The following EML1 variants were observed in gnomAD, a reference collection of about 807,000 sequenced individuals.
EML1 encodes the protein EMAP like 1.
Under a neutral mutation model 110.4 loss-of-function variants are expected in EML1, and 27 were observed. The observed-to-expected ratio is 0.24, with a 90% CI of 0.18 to 0.34. EML1 has a LOEUF of 0.34. Among genes scored for constraint, EML1 ranks in the 10% least tolerant of loss-of-function variants. EML1 has a pLI of 1.00. For missense variants in EML1, 741 were observed against 1,030.9 expected, an observed-to-expected ratio of 0.72 and a Z score of 3.85; for synonymous variants, 344 against 385.8, an observed-to-expected ratio of 0.89 and a Z score of 1.27.
intron 1 of EML1, among the ~76,000 whole-genome samples, chr14:99,753,672 C>G (rs537849783): frequency 6.6e-6 from 1 of 152,114 alleles, no homozygotes; most frequent in Non-Finnish European, 1.5e-5. Flanking sequence ...AGGGCAGGGT[C>G]GGTGTCTGAG....
intron 1 of EML1, among the ~76,000 whole-genome samples, chr14:99,756,201 A>T (rs982353669): frequency 6.6e-6 from 1 of 152,206 alleles, no homozygotes; most frequent in Non-Finnish European, 1.5e-5. Context: ...AGGCGACTGC[A>T]GGTGGCACAT....
intron 1 of EML1, 56 bp downstream of exon 1, chr14:99,793,599 G>A (rs1028821267): frequency 2.0e-6 from 2 of 987,704 alleles, no homozygotes; most frequent in African/African-American, 1.8e-5. Context: ...GGGCGGCGGC[G>A]ACGGCGACGG....
chr14:99,927,097 C>G (rs1043124137), intron 17 of EML1, among the ~76,000 whole-genome samples: 1 of 152,184 alleles, frequency 6.6e-6, no homozygotes, highest in African/African-American at 2.4e-5. Context: ...CTCCCCAACC[C>G]AAATCAGCAT....
At chr14:99,818,238 T>G (rs748244937) in intron 1 of EML1, among the ~76,000 whole-genome samples, 16 of 151,860 alleles carry the variant, frequency 1.1e-4, no homozygotes, top group Non-Finnish European at 1.8e-4. Context: ...TTTGGAAGGA[T>G]CACTCAGACA....
Position 99,905,349 on chromosome 14 carries a change from A to G in EML1, c.1009-2289A>G, listed in dbSNP as rs4905915. On this transcript the variant is annotated intron_variant, in intron 9 of 21. Coordinates refer to ENST00000262233, the MANE Select transcript of EML1 (RefSeq NM_004434.3). The surrounding 1 kb of genome is among the most constrained non-coding windows in gnomAD (Gnocchi z 4.1). ...ATCGTTGTTAATCCAGCCTCCAACC[A>G]GGAGCTTCAACTTACGGTCTCTGGG... 0.24 allele frequency among the ~76,000 whole-genome samples: 36,860 copies of G among 152,216 alleles called. 5,417 individuals carry two copies. Among genetic ancestry groups the G allele is most frequent in the Non-Finnish European group, 0.33 (22,195 of 68,004 alleles).
rs760107186 is a variant in EML1 at position 99,907,365 on chromosome 14, G to A, written c.1009-273G>A. The A allele has an allele frequency of 3.7e-5, 15 of 402,282 alleles. 1 individual carries two copies. The highest frequency in any genetic ancestry group is 6.2e-5 in the Non-Finnish European group (14 of 226,072). The allele number at this position is 402,282 out of a possible 1,614,324, so 24.9% of individuals were successfully genotyped here. A position where few individuals can be genotyped will look rare whatever the true frequency, so the allele number is the denominator to read the frequency against. On this transcript the variant is annotated intron_variant, in intron 9 of 21. Transcript: ENST00000262233. The stretch of plus-strand genomic sequence containing the variant: ...CACCCGCGGTCCCAGCTACATGGGA[G>A]GCTGGGGTAGGAGGATTGCTTGAGC...
chr14:99,804,010 G>A (rs540996411), intron 1 of EML1, among the ~76,000 whole-genome samples: 1 of 152,326 alleles, frequency 6.6e-6, no homozygotes, highest in South Asian at 2.1e-4. Context: ...ACTGTATGGA[G>A]CTATAATAAA....
upstream of EML1, among the ~76,000 whole-genome samples, chr14:99,772,257 T>C (rs1170568827): frequency 6.6e-6 from 1 of 152,258 alleles, no homozygotes; most frequent in African/African-American, 2.4e-5. Flanking sequence ...TTTAGACTGC[T>C]TTTAATATGC....
intron 4 of EML1, among the ~76,000 whole-genome samples, chr14:99,889,975 GCA>G (rs2059558787): frequency 6.6e-6 from 1 of 152,166 alleles, no homozygotes; most frequent in African/African-American, 2.4e-5. Flanking sequence ...CCCATGTGCT[GCA>G]GGAAATTATC....
chr14:99,894,563 A>G, intron 5 of EML1, 66 bp from the exon 6 acceptor site: 1 of 1,543,902 alleles, frequency 6.5e-7, no homozygotes, highest in Non-Finnish European at 8.7e-7. Flanking sequence ...TAGAGAGGAT[A>G]AAGCATTTGT....
At chr14:99,865,468 T>G (rs1308548266) in intron 2 of EML1, 46 bp from the exon 3 acceptor site, 12 of 1,610,252 alleles carry the variant, frequency 7.5e-6, no homozygotes, top group Middle Eastern at 1.7e-4. Flanking sequence ...AAATGTTACC[T>G]TTGCAAAGGG....
At chr14:99,856,319 C>A (rs559790413) in intron 2 of EML1, among the ~76,000 whole-genome samples, 7 of 152,194 alleles carry the variant, frequency 4.6e-5, no homozygotes, top group South Asian at 2.1e-4. Context: ...ATTTGAAAAT[C>A]TTTTTTCAAG....
intron 1 of EML1, among the ~76,000 whole-genome samples, chr14:99,753,627 G>C (rs947031764): frequency 6.6e-6 from 1 of 152,132 alleles, no homozygotes. Flanking sequence ...CGTGAGGTCC[G>C]TGTCTGCGTC....
intron 17 of EML1, among the ~76,000 whole-genome samples, chr14:99,924,592 A>G (rs375301143): frequency 4.7e-4 from 71 of 152,340 alleles, no homozygotes; most frequent in African/African-American, 1.7e-3. Flanking sequence ...GCAGACCACA[A>G]TTGACCACAG....
intron 1 of EML1, among the ~76,000 whole-genome samples, chr14:99,793,984 C>G (rs962283911): frequency 6.6e-6 from 1 of 152,150 alleles, no homozygotes; most frequent in Admixed American, 6.5e-5. Flanking sequence ...AACCCTCCTG[C>G]GAGGATGCAC....
upstream of EML1, among the ~76,000 whole-genome samples, chr14:99,768,927 A>G (rs1414383816): frequency 1.3e-5 from 2 of 152,092 alleles, no homozygotes; most frequent in Non-Finnish European, 2.9e-5. Flanking sequence ...CATGTTGGCC[A>G]TGCTGGTCTC....
chr14:99,759,210 C>T (rs1175463662), intron 1 of EML1, among the ~76,000 whole-genome samples: 1 of 152,216 alleles, frequency 6.6e-6, no homozygotes, highest in Non-Finnish European at 1.5e-5. Context: ...TCTGCATTCC[C>T]TACCACAGAT....
At position 99,861,575 on chromosome 14, in the gene EML1, G is replaced by A. The variant is rs971019351; in HGVS notation, c.251-3939G>A. Among the ~76,000 whole-genome samples the A allele has an allele frequency of 3.3e-5, 5 of 152,176 alleles. No individual in the cohort carries two copies. In the South Asian group the frequency reaches 6.2e-4, roughly 19 times the overall value. On this transcript the variant is annotated intron_variant, in intron 2 of 21. Coordinates refer to ENST00000262233, the MANE Select transcript of EML1 (RefSeq NM_004434.3). ...CAGCTCACTGCAACCTCTGCCTCCC[G>A]GGTTCAAGCAATTCTCCTGCCTCAG...
rs2059911004 is a variant in EML1, at chr14:99,909,485, G to C, written c.1239+6G>C. ...AGAAGCAAGGATTATTCGAGGTAAA[G>C]TTAAATTATGATTTTTGCTTTATTT... is the stretch of plus-strand genomic sequence containing the variant. On this transcript the variant is annotated splice_donor_region_variant and intron_variant, in intron 11 of 21. Transcript: ENST00000262233. The C allele has an allele frequency of 1.9e-6, 3 of 1,613,906 alleles. No individual in the cohort carries two copies. Among genetic ancestry groups the C allele is most frequent in the Non-Finnish European group, 1.7e-6 (2 of 1,179,984 alleles).
Sources: allele counts gnomAD v4.1 joint callset (sites outside exome capture counted in the v4.1 genomes callset), GRCh38; gene constraint gnomAD v4.1.1; non-coding constraint Gnocchi (gnomAD v3.1); transcripts MANE v1.5; gene names NCBI Gene and HGNC (gene_info 2026-07-23, HGNC 2026-07-21).